MYO1B: variants seen among roughly 807,000 people sequenced by gnomAD.
MYO1B encodes the protein myosin IB.
A neutral mutation model predicts 159.7 loss-of-function variants in MYO1B; 72 were observed. That is an observed-to-expected ratio of 0.45 (90% CI 0.37 to 0.55). MYO1B has a LOEUF of 0.55. Among genes scored for constraint, MYO1B ranks in the 20% least tolerant of loss-of-function variants. The pLI is 0.00. For missense variants in MYO1B, 1,062 were observed against 1,364.8 expected (o/e 0.78, Z 3.50); for synonymous variants, 468 against 473.8 (o/e 0.99, Z 0.16).
chr2:191,400,192 C>G (rs1240766136), intron 21 of MYO1B, among the ~76,000 whole-genome samples, 190 bp from the exon 22 acceptor site: 1 of 152,146 alleles, frequency 6.6e-6, no homozygotes, highest in African/African-American at 2.4e-5. Flanking sequence ...GAAACCCATG[C>G]TTAATGATGT....
chr2:191,341,419 AT>A, intron 4 of MYO1B, 41 bp from the exon 5 acceptor site: 1 of 1,556,010 alleles, frequency 6.4e-7, no homozygotes, highest in Non-Finnish European at 8.8e-7. Flanking sequence ...GATTTTTTAA[AT>A]TTCTGTGTTA....
intron 3 of MYO1B, among the ~76,000 whole-genome samples, chr2:191,308,472 C>T (rs750583315): frequency 2.0e-4 from 31 of 152,160 alleles, no homozygotes; most frequent in Non-Finnish European, 3.8e-4. Context: ...CAGTTCAACT[C>T]AATAAACATT....
intron 17 of MYO1B, among the ~76,000 whole-genome samples, chr2:191,388,541 AGTTT>A (rs1433797388): frequency 9.2e-5 from 14 of 152,166 alleles, no homozygotes; most frequent in African/African-American, 3.4e-4. Flanking sequence ...TTTTGTGTTT[AGTTT>A]GTGTGCCTGA....
chr2:191,290,067 A>G (rs1397763450), intron 2 of MYO1B, among the ~76,000 whole-genome samples: 2 of 152,234 alleles, frequency 1.3e-5, no homozygotes, highest in Non-Finnish European at 2.9e-5. Context: ...TGTCATCAAA[A>G]ACAGAATACA....
intron 13 of MYO1B, chr2:191,377,788 A>G (rs1395106167): frequency 1.3e-5 from 2 of 152,092 alleles, no homozygotes; most frequent in Admixed American, 6.6e-5. Flanking sequence ...GTGCAGTCCC[A>G]TTTTCCTCCA....
At position 191,396,480 on chromosome 2, in the gene MYO1B, T is replaced by C. The variant is rs779630086; in HGVS notation, c.2278T>C (p.Tyr760His). The change falls in exon 21 of 31, where the codon TAT (tyrosine) becomes CAT (histidine). Residue 760 changes from tyrosine to histidine, a missense_variant. Physicochemically the swap from Tyr to His is moderately conservative, Grantham distance 83. Around this residue, in one of 5 missense-constraint regions of MYO1B, gnomAD observed 609 missense variants for 744.4 expected, o/e 0.82. Transcript: ENST00000392318. ...GAGTTCCGCCTTAGTAATTCAGTCT[T>C]ATATCCGGGGTTGGAAGGTGAGTTT... ...TKSSALVIQS[Y>H]IRGWKARKIL... 1.2e-6 allele frequency: 2 copies of C among 1,614,194 alleles called. No individual in the cohort carries two copies. The highest frequency in any genetic ancestry group is 2.2e-5 in the East Asian group (1 of 44,880).
chr2:191,281,567 CCCAGG>C (rs1688064161), intron 2 of MYO1B, among the ~76,000 whole-genome samples: 1 of 152,174 alleles, frequency 6.6e-6, no homozygotes, highest in African/African-American at 2.4e-5. Context: ...CTCCCCGGCC[CCCAGG>C]CCAGATGGAT....
At position 191,344,060 on chromosome 2, in the gene MYO1B, T is replaced by C. The variant is rs375268252; in HGVS notation, c.452-2176T>C. Among the ~76,000 whole-genome samples, 3 of 152,246 alleles carry C rather than the reference T, an allele frequency of 2.0e-5. No individual in the cohort carries two copies. The East Asian group carries it at 5.8e-4, about 29-fold the overall frequency. On this transcript the variant is annotated intron_variant, in intron 5 of 30. Coordinates refer to ENST00000392318, the MANE Select transcript of MYO1B (RefSeq NM_001130158.3). ...CAAATAGCACCCTGAATAAAGTTTC[T>C]TTGAAGCAATTCCTTCACTTGCCCC... is the stretch of plus-strand genomic sequence containing the variant.
chr2:191,391,064 C>T (rs1355405888), intron 18 of MYO1B, among the ~76,000 whole-genome samples: 2 of 152,260 alleles, frequency 1.3e-5, no homozygotes, highest in Non-Finnish European at 2.9e-5. Context: ...CTGGACACCG[C>T]AGGCCCAGTG....
intron 3 of MYO1B, among the ~76,000 whole-genome samples, chr2:191,321,006 G>A (rs1690675410): frequency 6.6e-6 from 1 of 152,096 alleles, no homozygotes; most frequent in Non-Finnish European, 1.5e-5. Context: ...GGGGCACTGG[G>A]GGCTGTCAGA....
intron 3 of MYO1B, among the ~76,000 whole-genome samples, chr2:191,307,477 T>G (rs1160559949): frequency 6.6e-6 from 1 of 152,154 alleles, no homozygotes; most frequent in Non-Finnish European, 1.5e-5. Flanking sequence ...GCTGACCTTC[T>G]CTCTCACCCT....
intron 14 of MYO1B, among the ~76,000 whole-genome samples, chr2:191,381,878 C>T (rs1695058907): frequency 6.6e-6 from 1 of 152,166 alleles, no homozygotes; most frequent in African/African-American, 2.4e-5. Context: ...CCAAAAAAGT[C>T]AGCATCACTG....
intron 11 of MYO1B, among the ~76,000 whole-genome samples, chr2:191,365,871 A>G (rs1171252484): frequency 2.0e-5 from 3 of 152,266 alleles, no homozygotes; most frequent in Non-Finnish European, 4.4e-5. Flanking sequence ...GTCTGCAGTC[A>G]GAGTGGCAAA....
chr2:191,305,982 G>C (rs527731391), intron 3 of MYO1B, among the ~76,000 whole-genome samples: 1 of 152,288 alleles, frequency 6.6e-6, no homozygotes, highest in African/African-American at 2.4e-5. Flanking sequence ...CGTGAGCCAT[G>C]TACTAGTGTA....
At chr2:191,365,307 G>A (rs1191322926) in intron 11 of MYO1B, among the ~76,000 whole-genome samples, 2 of 152,138 alleles carry the variant, frequency 1.3e-5, no homozygotes, top group African/African-American at 2.4e-5. Flanking sequence ...TATCCATAAA[G>A]CCTCCATAAA....
chr2:191,357,128 A>T (rs897967755), intron 7 of MYO1B, among the ~76,000 whole-genome samples: 1 of 152,194 alleles, frequency 6.6e-6, no homozygotes, highest in South Asian at 2.1e-4. Context: ...TCTCTGTTAC[A>T]TCCTAAAGTA....
chr2:191,268,422 A>G (rs1286589256), intron 1 of MYO1B, among the ~76,000 whole-genome samples: 1 of 152,186 alleles, frequency 6.6e-6, no homozygotes, highest in Non-Finnish European at 1.5e-5. Flanking sequence ...CCACCTCCAA[A>G]TATCATCATA....
rs1043976361 is a variant in MYO1B, at chr2:191,350,186, G to A, written c.523G>A (p.Asp175Asn). The A allele has an allele frequency of 1.2e-6, 2 of 1,612,820 alleles. No individual in the cohort carries two copies. Among genetic ancestry groups the A allele is most frequent in the Non-Finnish European group, 1.7e-6 (2 of 1,179,230 alleles). The change falls in exon 7 of 31, where the codon GAC becomes AAC. Residue 175 changes from aspartate (D) to asparagine (N), a missense_variant. Physicochemically the swap from Asp to Asn is conservative, Grantham distance 23. Transcript: ENST00000392318. ...RFGKYMDIEF[D>N]FKGDPLGGVI... ...GGGCAAATATATGGATATTGAATTT[G>A]ACTTTAAAGGCGATCCACTAGGAGG...
intron 2 of MYO1B, among the ~76,000 whole-genome samples, chr2:191,294,376 C>T (rs1688858633): frequency 6.6e-6 from 1 of 152,140 alleles, no homozygotes; most frequent in Non-Finnish European, 1.5e-5. Context: ...TCAAATAGTA[C>T]TTTTCTACTT....
Sources: allele counts gnomAD v4.1 joint callset (sites outside exome capture counted in the v4.1 genomes callset), GRCh38; gene constraint gnomAD v4.1.1; regional missense constraint gnomAD v4.1.1; transcripts MANE v1.5; gene names NCBI Gene and HGNC (gene_info 2026-07-23, HGNC 2026-07-21).